The following AAK1 variants were observed in gnomAD, a reference collection of about 807,000 sequenced individuals.
AAK1 encodes the protein AP2 associated kinase 1, also known as AP2-associated protein kinase 1.
AAK1 carries 37 observed loss-of-function variants against 116.0 expected under a neutral mutation model. The observed-to-expected ratio is 0.32, with a 90% CI of 0.25 to 0.42. AAK1 has a LOEUF of 0.42. AAK1 is among the 10% of genes least tolerant of loss of function. AAK1 has a pLI of 1.00. For synonymous variants in AAK1, 458 were observed against 439.9 expected, an observed-to-expected ratio of 1.04 and a Z score of -0.51; for missense variants, 919 against 1,170.6, an observed-to-expected ratio of 0.79 and a Z score of 3.14.
intron 2 of AAK1, among the ~76,000 whole-genome samples, chr2:69,587,717 C>A (rs988676861): frequency 1.3e-5 from 2 of 152,064 alleles, no homozygotes; most frequent in Admixed American, 1.3e-4. Flanking sequence ...CCACCTGCCT[C>A]AGCCTCCCAA....
At chr2:69,566,818 C>A (rs1311328097) in intron 2 of AAK1, among the ~76,000 whole-genome samples, 6 of 152,156 alleles carry the variant, frequency 3.9e-5, no homozygotes, top group African/African-American at 1.4e-4. Flanking sequence ...GCACCTAGAA[C>A]CACAGCACAT....
chr2:69,626,211 C>A (rs1324267504), intron 2 of AAK1, among the ~76,000 whole-genome samples: 1 of 151,878 alleles, frequency 6.6e-6, no homozygotes, highest in African/African-American at 2.4e-5. Flanking sequence ...CTAATATACT[C>A]AAGACTTGTC....
At chr2:69,542,696 GT>G in intron 4 of AAK1, 31 bp from the exon 5 acceptor site, 1 of 1,606,168 alleles carries the variant, frequency 6.2e-7, no homozygotes, top group Non-Finnish European at 8.5e-7. Context: ...CAAAGGAGAC[GT>G]TATAAACATT....
chr2:69,587,232 T>G (rs537693346), intron 2 of AAK1, among the ~76,000 whole-genome samples: 1 of 151,288 alleles, frequency 6.6e-6, no homozygotes, highest in East Asian at 2.0e-4. Context: ...CTACAGGGGC[T>G]TGCCACCATG....
At chr2:69,482,312 A>ATTG (rs892438406) in intron 18 of AAK1, 49 of 408,858 alleles carry the variant, frequency 1.2e-4, no homozygotes, top group African/African-American at 8.7e-4. Flanking sequence ...AGATCTTGCC[A>ATTG]TTGCACTCCA....
intron 2 of AAK1, among the ~76,000 whole-genome samples, chr2:69,567,519 G>T (rs1304485735): frequency 6.6e-6 from 1 of 152,106 alleles, no homozygotes; most frequent in Non-Finnish European, 1.5e-5. Flanking sequence ...TCAAGTGTTT[G>T]TTATACAATG....
chr2:69,637,266 CA>C (rs1675488274), intron 2 of AAK1, among the ~76,000 whole-genome samples: 1 of 152,226 alleles, frequency 6.6e-6, no homozygotes, highest in African/African-American at 2.4e-5. Context: ...CCCCAACCCA[CA>C]AAATTGTTGC....
At chr2:69,631,306 A>G (rs1366290495) in intron 2 of AAK1, among the ~76,000 whole-genome samples, 1 of 152,338 alleles carries the variant, frequency 6.6e-6, no homozygotes, top group East Asian at 1.9e-4. Context: ...TGCAGCAAAC[A>G]AATTATGTGG....
Position 69,461,410 on chromosome 2 carries a change from A to G in AAK1, c.*14459T>C, listed in dbSNP as rs1674338143. ...TGTATTTTTTTTTCTCTTTAAGGAA[A>G]TAAGACCCTACTGTAATACAAGTCG... On this transcript the variant is annotated 3_prime_UTR_variant, in exon 22 of 22. Coordinates refer to ENST00000409085, the MANE Select transcript of AAK1 (RefSeq NM_014911.5). 4.3e-6 allele frequency: 1 copy of G among 230,286 alleles called. No homozygotes were observed. The highest frequency in any genetic ancestry group is 8.8e-6 in the Non-Finnish European group (1 of 113,592). The allele number at this position is 230,286 out of a possible 1,614,324, so 14.3% of individuals were successfully genotyped here.
At chr2:69,526,237 T>C (rs1670019804) in intron 9 of AAK1, among the ~76,000 whole-genome samples, 1 of 152,200 alleles carries the variant, frequency 6.6e-6, no homozygotes, top group Non-Finnish European at 1.5e-5. Flanking sequence ...TCAAGCTGCA[T>C]CTTCTGACTC....
At chr2:69,575,102 G>C (rs1340361895) in intron 2 of AAK1, among the ~76,000 whole-genome samples, 1 of 150,706 alleles carries the variant, frequency 6.6e-6, no homozygotes, top group Non-Finnish European at 1.5e-5. Flanking sequence ...ATTTACTTGT[G>C]GATGATGATC....
chr2:69,490,922 C>CA lies in AAK1; in HGVS notation c.2365+5062_2365+5063insT, dbSNP rs1491552711. On this transcript the variant is annotated intron_variant, in intron 17 of 21. Transcript: ENST00000409085. ...TCTAAAATATATCTATGTGTGTGTA[C>CA]CCACACACACACACACACACACACT... Among the ~76,000 whole-genome samples, 36 of 126,992 alleles carry CA rather than the reference C, an allele frequency of 2.8e-4. No homozygotes were observed. The South Asian group carries it at 4.7e-3, about 16-fold the overall frequency. The allele number at this position is 126,992 out of a possible 152,430, so 83.3% of individuals were successfully genotyped here.
Position 69,514,761 on chromosome 2 carries a change from A to C in AAK1, c.1498-12T>G. ...TGTACTGCCTGAAACTGAGCAAGAA[A>C]TGAGGAGATGAATAAGGGCCTGTCC... is the stretch of plus-strand genomic sequence containing the variant. On this transcript the variant is annotated splice_polypyrimidine_tract_variant and intron_variant, in intron 12 of 21. Transcript: ENST00000409085. 1 of 1,563,528 alleles carries C rather than the reference A, an allele frequency of 6.4e-7. No individual in the cohort carries two copies. Among genetic ancestry groups the C allele is most frequent in the Non-Finnish European group, 8.7e-7 (1 of 1,153,628 alleles).
rs58250178 is a variant in AAK1, at chr2:69,470,960, T to C, written c.*4909A>G. The C allele has an allele frequency of 0.01, 10,289 of 985,838 alleles. 672 individuals carry two copies. In the African/African-American group the frequency reaches 0.15, roughly 14 times the overall value. 61.1% of individuals were successfully genotyped at this position (985,838 alleles called of 1,614,324 possible). On this transcript the variant is annotated 3_prime_UTR_variant, in exon 22 of 22. Coordinates refer to ENST00000409085, the MANE Select transcript of AAK1 (RefSeq NM_014911.5). ...AAAAGTCTTTATTCCCCTGTATGTT[T>C]ACATAAGAAAGTTCTTTACAGACTT...
chr2:69,587,408 C>CATGTGTATATATACACATATATATACAT (rs1672830442), intron 2 of AAK1, among the ~76,000 whole-genome samples: 2 of 150,360 alleles, frequency 1.3e-5, no homozygotes, highest in Non-Finnish European at 3.0e-5. Flanking sequence ...CATATATACA[C>CATGTGTATATATACACATATATATACAT]ATGTGTATAT....
Position 69,550,366 on chromosome 2 carries a change from G to A in AAK1, c.283-5822C>T, listed in dbSNP as rs148324302. Among the ~76,000 whole-genome samples the A allele has an allele frequency of 2.1e-4, 32 of 152,046 alleles. No individual in the cohort carries two copies. The East Asian group carries it at 3.1e-3, about 15-fold the overall frequency. On this transcript the variant is annotated intron_variant, in intron 3 of 21. Transcript: ENST00000409085. ...TGTCACCAGGCTGGAGTGCAGTGGC[G>A]CAATCTCAGCTCACTGCACCCTCTG...
chr2:69,545,871 T>C (rs759882247), intron 3 of AAK1, among the ~76,000 whole-genome samples: 17 of 152,086 alleles, frequency 1.1e-4, no homozygotes, highest in Non-Finnish European at 1.8e-4. Context: ...GTTGAGCAAG[T>C]AGGGCCAGGG....
At position 69,643,263 on chromosome 2, in the gene AAK1, G is replaced by A; in HGVS notation, c.-223C>T. On this transcript the variant is annotated 5_prime_UTR_variant, in exon 2 of 22. Coordinates refer to ENST00000409085, the MANE Select transcript of AAK1 (RefSeq NM_014911.5). ...CCTCCTCCTCCAGAAAGCGATTCGT[G>A]TAAGTTTAAACCTGTGATGACAGAG... 2 of 1,408,468 alleles carry A rather than the reference G, an allele frequency of 1.4e-6. No homozygotes were observed. Among genetic ancestry groups the A allele is most frequent in the Non-Finnish European group, 1.8e-6 (2 of 1,089,830 alleles). The allele number at this position is 1,408,468 out of a possible 1,614,324, so 87.2% of individuals were successfully genotyped here.
At chr2:69,527,581 G>T (rs1670076223) in intron 8 of AAK1, among the ~76,000 whole-genome samples, 1 of 152,058 alleles carries the variant, frequency 6.6e-6, no homozygotes. Flanking sequence ...TTGCACCAGA[G>T]GGACTCAAGC....
Sources: gnomAD v4.1 joint callset for allele counts (sites outside exome capture counted in the v4.1 genomes callset) on GRCh38, gnomAD v4.1.1 for gene constraint, MANE v1.5 for transcripts, NCBI Gene and HGNC (gene_info 2026-07-23, HGNC 2026-07-21) for gene names.